Variants in SMYD4 observed in about 807,000 individuals in gnomAD.
SMYD4 encodes the protein SET and MYND domain containing 4.
SMYD4 carries 68 observed loss-of-function variants against 72.8 expected under a neutral mutation model. The ratio of observed to expected loss-of-function variants is 0.93; its 90% CI spans 0.77 to 1.14. SMYD4 has a LOEUF of 1.14. Ranked by LOEUF, SMYD4 falls within the 50% of genes most tolerant of loss-of-function variation. The pLI is 0.00. For synonymous variants in SMYD4, 407 were observed against 388.6 expected, an observed-to-expected ratio of 1.05 and a Z score of -0.56; for missense variants, 984 against 1,003.7, an observed-to-expected ratio of 0.98 and a Z score of 0.27.
chr17:1,786,234 C>T (rs1329766188), intron 7 of SMYD4, among the ~76,000 whole-genome samples: 1 of 152,210 alleles, frequency 6.6e-6, no homozygotes, highest in Non-Finnish European at 1.5e-5. Flanking sequence ...AATCCGCAGG[C>T]TGGGCTGCTG....
intron 2 of SMYD4, among the ~76,000 whole-genome samples, chr17:1,815,947 G>A (rs976368237): frequency 3.9e-5 from 6 of 152,016 alleles, no homozygotes; most frequent in East Asian, 1.9e-4. Flanking sequence ...TGATCCGCCC[G>A]CCTTGGCCTC....
chr17:1,824,632 T>C (rs1911067185), intron 2 of SMYD4, among the ~76,000 whole-genome samples: 1 of 152,042 alleles, frequency 6.6e-6, no homozygotes. Flanking sequence ...TATATTTTTA[T>C]TTTTTGAGAT....
In SMYD4 at chr17:1,783,341, G is replaced by A. The variant is rs111502640; in HGVS notation, c.2137+19C>T. 80 of 1,611,654 alleles carry A rather than the reference G, an allele frequency of 5.0e-5. 1 individual carries two copies. Among genetic ancestry groups the A allele is most frequent in the African/African-American group, 4.7e-4 (35 of 75,004 alleles). ...CAGCAGACTGTTCCCGACGCAGAAC[G>A]TGAAGGCTCATGCTGTACCTAAGGC... On this transcript the variant is annotated intron_variant, in intron 9 of 10. Transcript: ENST00000305513.
At position 1,786,918 on chromosome 17, in the gene SMYD4, C is replaced by A; in HGVS notation, c.1776G>T (p.Gln592His). 6.2e-7 allele frequency: 1 copy of A among 1,614,208 alleles called. No individual in the cohort carries two copies. Among genetic ancestry groups the A allele is most frequent in the East Asian group, 2.2e-5 (1 of 44,880 alleles). ...VAERQQKLRSQYFFDCACPAC... is the reference protein window; with the variant it reads ...VAERQQKLRSHYFFDCACPAC... ...CTGGACAGGCGCAGTCAAAGAAATA[C>A]TGAGACCTCAGCTTCTGCTGCCTTT... is the stretch of plus-strand genomic sequence containing the variant. The change falls in exon 7 of 11, where the codon CAG (glutamine) becomes CAT (histidine). Residue 592 changes from glutamine to histidine, a missense_variant. By Grantham distance (24) the Gln-to-His change is conservative (BLOSUM62 0). Transcript: ENST00000305513.
At chr17:1,785,439 G>T (rs116996727) in intron 7 of SMYD4, among the ~76,000 whole-genome samples, 1 of 124,554 alleles carries the variant, frequency 8.0e-6, no homozygotes, top group Non-Finnish European at 1.7e-5. Flanking sequence ...AAAAGAAAAA[G>T]AAAAAAAAAA....
At chr17:1,824,422 C>CTAGAAACAA (rs1421755835) in intron 2 of SMYD4, among the ~76,000 whole-genome samples, 1 of 152,016 alleles carries the variant, frequency 6.6e-6, no homozygotes, top group Non-Finnish European at 1.5e-5. Context: ...GATCTAGAGC[C>CTAGAAACAA]TAGAAACAAA....
intron 2 of SMYD4, among the ~76,000 whole-genome samples, chr17:1,826,518 A>AGG (rs1567791558): frequency 2.2e-5 from 3 of 136,978 alleles, no homozygotes; most frequent in Non-Finnish European, 4.8e-5. Flanking sequence ...AAAAAAAAAA[A>AGG]GAAAAGAAAA....
chr17:1,827,134 C>G (rs1442319499), intron 2 of SMYD4, among the ~76,000 whole-genome samples: 1 of 151,940 alleles, frequency 6.6e-6, no homozygotes, highest in African/African-American at 2.4e-5. Flanking sequence ...GACTGGGTGA[C>G]AGAGTGAGAC....
intron 5 of SMYD4, among the ~76,000 whole-genome samples, chr17:1,795,275 G>A (rs935981581): frequency 2.0e-5 from 3 of 152,028 alleles, no homozygotes; most frequent in South Asian, 2.1e-4. Context: ...CTGTCTGTCT[G>A]TCTGGTCTGT....
intron 2 of SMYD4, among the ~76,000 whole-genome samples, chr17:1,824,499 C>T (rs765150891): frequency 2.6e-5 from 4 of 152,052 alleles, no homozygotes; most frequent in Admixed American, 6.6e-5. Context: ...ACTGTTATTT[C>T]CCAGAAGCCT....
intron 2 of SMYD4, among the ~76,000 whole-genome samples, chr17:1,823,393 C>CAAAAAAAAAAAAA (rs57044082): frequency 1.5e-5 from 1 of 65,586 alleles, no homozygotes; most frequent in African/African-American, 6.1e-5. Flanking sequence ...GACTCCGTCT[C>CAAAAAAAAAAAAA]AAAAAAAAAA....
intron 5 of SMYD4, among the ~76,000 whole-genome samples, chr17:1,791,569 C>A (rs1213845456): frequency 6.6e-6 from 1 of 151,992 alleles, no homozygotes; most frequent in African/African-American, 2.4e-5. Context: ...TATGAGCAGA[C>A]TAAAAGAAAA....
intron 2 of SMYD4, among the ~76,000 whole-genome samples, chr17:1,826,518 A>AAAAAAAAAAAAAAAAAAAAAG (rs1259676707): frequency 2.2e-5 from 3 of 136,978 alleles, no homozygotes; most frequent in Non-Finnish European, 3.2e-5. Context: ...AAAAAAAAAA[A>AAAAAAAAAAAAAAAAAAAAAG]GAAAAGAAAA....
chr17:1,809,939 G>C (rs1382461602), intron 3 of SMYD4, among the ~76,000 whole-genome samples: 4 of 152,168 alleles, frequency 2.6e-5, no homozygotes, highest in Non-Finnish European at 5.9e-5. Context: ...GGGATTACAG[G>C]TGTGAGCCAC....
intron 2 of SMYD4, chr17:1,814,827 G>C (rs1463852694): frequency 6.6e-6 from 1 of 151,968 alleles, no homozygotes; most frequent in African/African-American, 2.4e-5. Context: ...AGAAAAACTA[G>C]GAAAGATTTT....
rs1289807820 is a variant in SMYD4, at chr17:1,800,484, AAG to A, written c.908_909del (p.Thr303IlefsTer7). ...CATCCGTCACACGGAACTGTGGCCA[AAG>A]TGTGCTTCAAACATCGGTGACAATA... ...DLYCHRCLKHTLATVPCDGCS... is the reference protein window; with the variant it reads ...DLYCHRCLKHXLATVPCDGCS... On this transcript the variant is annotated frameshift_variant, in exon 5 of 11. Coordinates refer to ENST00000305513, the MANE Select transcript of SMYD4 (RefSeq NM_052928.3). LOFTEE classifies it high-confidence loss of function. 1 of 1,614,156 alleles carries A rather than the reference AAG, an allele frequency of 6.2e-7. No individual in the cohort carries two copies. The highest frequency in any genetic ancestry group is 8.5e-7 in the Non-Finnish European group (1 of 1,180,042).
chr17:1,794,089 ATATATATATATATATATTTTTTTT>A lies in SMYD4; in HGVS notation c.1537+5744_1537+5767del, dbSNP rs1567771017. ...TATGTGTATATATATGTGTATATAT[ATATATATATATATATATTTTTTTT>A]TTTTTTTTTTTTTTGAGATGGAGTT... On this transcript the variant is annotated intron_variant, in intron 5 of 10. Coordinates refer to ENST00000305513, the MANE Select transcript of SMYD4 (RefSeq NM_052928.3). Among the ~76,000 whole-genome samples the A allele has an allele frequency of 1.1e-3, 26 of 24,286 alleles. 3 individuals carry two copies. Among genetic ancestry groups the A allele is most frequent in the African/African-American group, 4.1e-3 (25 of 6,104 alleles). 15.9% of individuals were successfully genotyped at this position (24,286 alleles called of 152,430 possible).
chr17:1,811,134 C>G (rs1910309364), intron 3 of SMYD4, among the ~76,000 whole-genome samples: 1 of 152,216 alleles, frequency 6.6e-6, no homozygotes, highest in Non-Finnish European at 1.5e-5. Flanking sequence ...GTAACACACG[C>G]CCACTGGGGC....
chr17:1,789,655 C>T (rs1254742631), intron 5 of SMYD4, among the ~76,000 whole-genome samples: 4 of 149,022 alleles, frequency 2.7e-5, no homozygotes, highest in South Asian at 2.1e-4. Flanking sequence ...ATCCCTGCTA[C>T]TCGGGAGGCT....
Sources: gnomAD v4.1 joint callset for allele counts (sites outside exome capture counted in the v4.1 genomes callset) on GRCh38, gnomAD v4.1.1 for gene constraint, MANE v1.5 for transcripts, NCBI Gene and HGNC (gene_info 2026-07-23, HGNC 2026-07-21) for gene names.